FAM120C: variants seen among roughly 807,000 people sequenced by gnomAD.
The protein encoded by FAM120C is constitutive coactivator of PPAR-gamma-like protein 2.
FAM120C carries 14 observed loss-of-function variants against 71.2 expected under a neutral mutation model. That is an observed-to-expected ratio of 0.20 (90% confidence interval 0.13 to 0.31). The LOEUF (loss-of-function observed/expected upper bound fraction) is 0.31. Ranked by LOEUF, FAM120C falls within the 10% of genes least tolerant of loss-of-function variation. The probability of loss-of-function intolerance (pLI) is 1.00; values close to 1 mark genes in which losing one functional copy is unlikely to be tolerated. For missense variants in FAM120C, 500 were observed against 879.0 expected (o/e 0.57, Z 5.45); for synonymous variants, 354 against 353.2 (o/e 1.00, Z -0.03).
Position 54,087,849 on chromosome X carries a change from C to T in FAM120C, c.2543G>A (p.Cys848Tyr). The T allele has an allele frequency of 8.3e-7, 1 of 1,211,379 alleles. No homozygotes were observed. Among genetic ancestry groups the T allele is most frequent in the Non-Finnish European group, 1.1e-6 (1 of 895,327 alleles). The change falls in exon 12 of 16, where the codon TGT (cysteine) becomes TAT (tyrosine). Residue 848 changes from cysteine (C) to tyrosine (Y), a missense_variant. By Grantham distance (194) the Cys-to-Tyr change is radical. Coordinates refer to ENST00000375180, the MANE Select transcript of FAM120C (RefSeq NM_017848.6). ...CTTGCCATCAAAGTAAATCCATGGA[C>T]AGCAATGCTCCCAAGGGACTGGCTG... Reference protein sequence around the residue: ...CGQPVPWEHCCPWIYFDGKLF... With the variant: ...CGQPVPWEHCYPWIYFDGKLF...
At chrX:54,150,152 ACACAT>A (rs2067177259) in intron 4 of FAM120C, among the ~76,000 whole-genome samples, 3 of 111,859 alleles carry the variant, frequency 2.7e-5, no homozygotes, top group Non-Finnish European at 5.6e-5. Flanking sequence ...GTCCCAATAA[ACACAT>A]CACAAGTTGA....
intron 9 of FAM120C, among the ~76,000 whole-genome samples, chrX:54,124,934 G>A (rs185044193): frequency 8.9e-6 from 1 of 111,907 alleles, no homozygotes; most frequent in East Asian, 2.8e-4. Flanking sequence ...TACTAGTATA[G>A]ATATGTGGTA....
At chrX:54,128,794 T>C (rs1372606462) in intron 9 of FAM120C, among the ~76,000 whole-genome samples, 1 of 111,721 alleles carries the variant, frequency 9.0e-6, no homozygotes, top group African/African-American at 3.3e-5. Context: ...GGGGGTAAGG[T>C]CACAGATCAA....
intron 10 of FAM120C, among the ~76,000 whole-genome samples, chrX:54,111,031 G>A (rs2066934547): frequency 1.9e-5 from 2 of 107,660 alleles, no homozygotes; most frequent in African/African-American, 3.4e-5. Flanking sequence ...CTGCACTCCC[G>A]ACTGGGTGAC....
chrX:54,091,251 A>T (rs2066822699), intron 11 of FAM120C, 61 bp downstream of exon 11: 1 of 773,196 alleles, frequency 1.3e-6, no homozygotes, highest in Non-Finnish European at 1.9e-6. Context: ...AAAAAAAAAG[A>T]CCTAAAGTAG....
At chrX:54,178,809 A>C (rs1557136982) in intron 1 of FAM120C, among the ~76,000 whole-genome samples, 1 of 111,992 alleles carries the variant, frequency 8.9e-6, no homozygotes, top group Non-Finnish European at 1.9e-5. Context: ...ATCTGTTCTC[A>C]AAGTCTGGTT....
chrX:54,166,733 T>C (rs868942854), intron 1 of FAM120C, among the ~76,000 whole-genome samples: 3 of 111,849 alleles, frequency 2.7e-5, no homozygotes, highest in Non-Finnish European at 3.8e-5. Context: ...AATGTGCATA[T>C]ATATATAAAA....
Position 54,133,873 on chromosome X carries a change from A to G in FAM120C, c.1790T>C (p.Ile597Thr). ...MSTRNHMDIT[I>T]PPLPPVAPEV... ...TGGAGCTACTGGAGGTAAGGGTGGAATGGTGATATCCATGTGGTTCCTTGT... is the reference window on the plus strand; with the variant it reads ...TGGAGCTACTGGAGGTAAGGGTGGAGTGGTGATATCCATGTGGTTCCTTGT... The change falls in exon 8 of 16, where the codon ATT (isoleucine) becomes ACT (threonine). Residue 597 changes from isoleucine to threonine, a missense_variant. By Grantham distance (89) the Ile-to-Thr change is moderately conservative. Transcript: ENST00000375180. 8.3e-7 allele frequency: 1 copy of G among 1,211,417 alleles called. No individual in the cohort carries two copies. Among genetic ancestry groups the G allele is most frequent in the Non-Finnish European group, 1.1e-6 (1 of 895,402 alleles).
At position 54,129,826 on chromosome X, in the gene FAM120C, C is replaced by T. The variant is rs368827949; in HGVS notation, c.2062+2866G>A. Among the ~76,000 whole-genome samples, 47 of 111,557 alleles carry T rather than the reference C, an allele frequency of 4.2e-4. No individual in the cohort carries two copies. In the East Asian group the frequency reaches 0.012, roughly 29 times the overall value. ...TGCGGTTAGGAGCTGGAGACCAGCC[C>T]GGCCAACACAGCGAAACCCGGTCTC... On this transcript the variant is annotated intron_variant, in intron 9 of 15. Coordinates refer to ENST00000375180, the MANE Select transcript of FAM120C (RefSeq NM_017848.6).
intron 4 of FAM120C, among the ~76,000 whole-genome samples, chrX:54,142,846 G>A (rs2067133168): frequency 8.9e-6 from 1 of 111,882 alleles, no homozygotes; most frequent in South Asian, 3.8e-4. Context: ...CCCAGTAGGG[G>A]CCGACCGACA....
In FAM120C at chrX:54,116,583, A is replaced by G; in HGVS notation, c.2274T>C (p.Asn758=). 1 of 1,211,951 alleles carries G rather than the reference A, an allele frequency of 8.3e-7. No homozygotes were observed. Among genetic ancestry groups the G allele is most frequent in the Non-Finnish European group, 1.1e-6 (1 of 895,530 alleles). The change falls in exon 10 of 16, where the codon AAT becomes AAC. Residue 758 remains asparagine, a synonymous_variant. Coordinates refer to ENST00000375180, the MANE Select transcript of FAM120C (RefSeq NM_017848.6). ...SDTPSMLNPA[N]VPTHLLLMCC... ...ACATGAGCAGCAGATGGGTGGGGAC[A>G]TTAGCTGGATTGAGCATACTGGGCG... is the stretch of plus-strand genomic sequence containing the variant.
rs782425864 is a variant in FAM120C at position 54,136,605 on chromosome X, A to G, written c.1159-15T>C. 4.5e-6 allele frequency: 5 copies of G among 1,102,022 alleles called. No individual in the cohort carries two copies. The South Asian group carries it at 9.9e-5, about 22-fold the overall frequency. The allele number at this position is 1,102,022 out of a possible 1,213,427, so 90.8% of individuals were successfully genotyped here. On this transcript the variant is annotated splice_polypyrimidine_tract_variant and intron_variant, in intron 4 of 15. Transcript: ENST00000375180. ...TCTGTCCTGGACTGGATGTTGGAAC[A>G]TCAGATTTTCAGAAGAAAAAACATG...
chrX:54,117,683 G>C (rs1366360387), intron 9 of FAM120C, among the ~76,000 whole-genome samples: 2 of 108,266 alleles, frequency 1.8e-5, no homozygotes, highest in Admixed American at 1.0e-4. Context: ...GGGCGACAGA[G>C]CGAGACTTCG....
At position 54,182,683 on chromosome X, in the gene FAM120C, C is replaced by A; in HGVS notation, c.516G>T (p.Pro172=). Residue 172 remains proline, a synonymous_variant, in exon 1 of 16, where the codon CCG becomes CCT. Coordinates refer to ENST00000375180, the MANE Select transcript of FAM120C (RefSeq NM_017848.6). Reference sequence around the variant, plus strand: ...CCAGCCGGTCCTTGCCCAGGCCCCCCGGGAACATGACCACGAGCTCCAGGC... The same window carrying A: ...CCAGCCGGTCCTTGCCCAGGCCCCCAGGGAACATGACCACGAGCTCCAGGC... ...GDGLELVVMF[P]GGLGKDRLAE... 5 of 1,209,790 alleles carry A rather than the reference C, an allele frequency of 4.1e-6. No individual in the cohort carries two copies. Among genetic ancestry groups the A allele is most frequent in the Non-Finnish European group, 4.5e-6 (4 of 894,824 alleles).
rs781798544 is a variant in FAM120C at position 54,134,882 on chromosome X, G to C, written c.1565C>G (p.Ser522Cys). ...SKASPPLGPDSSHSSSSDGDE... is the reference protein window; with the variant it reads ...SKASPPLGPDCSHSSSSDGDE... ...ACCATCAGAGGAAGAGGAGTGGGAAGAGTCTGGTCCCAAAGGAGGTGAGGC... is the reference window on the plus strand; with the variant it reads ...ACCATCAGAGGAAGAGGAGTGGGAACAGTCTGGTCCCAAAGGAGGTGAGGC... Residue 522 changes from serine to cysteine, a missense_variant, in exon 7 of 16, where the codon TCT becomes TGT. Ser to Cys is a moderately radical substitution (Grantham distance 112). This residue lies in a region of FAM120C where 85 missense variants were observed against 84.9 expected (regional missense o/e 1.00). Coordinates refer to ENST00000375180, the MANE Select transcript of FAM120C (RefSeq NM_017848.6). 2 of 1,211,674 alleles carry C rather than the reference G, an allele frequency of 1.7e-6. No individual in the cohort carries two copies. Among genetic ancestry groups the C allele is most frequent in the South Asian group, 3.5e-5 (2 of 56,923 alleles).
chrX:54,117,709 A>G (rs1486363991), intron 9 of FAM120C, among the ~76,000 whole-genome samples: 1 of 110,259 alleles, frequency 9.1e-6, no homozygotes, highest in Non-Finnish European at 1.9e-5. Context: ...AAAAAAAACA[A>G]AAAAAAACAA....
intron 11 of FAM120C, among the ~76,000 whole-genome samples, chrX:54,090,771 G>A (rs1334337517): frequency 4.5e-5 from 5 of 111,382 alleles, no homozygotes; most frequent in Non-Finnish European, 9.4e-5. Context: ...GTACAAGTAA[G>A]GAAACTGAAG....
intron 9 of FAM120C, among the ~76,000 whole-genome samples, chrX:54,126,382 C>A (rs1223003637): frequency 8.9e-6 from 1 of 111,912 alleles, no homozygotes; most frequent in Non-Finnish European, 1.9e-5. Context: ...TTTTTTTCAA[C>A]CAAACACTGA....
chrX:54,080,362 T>C (rs2066758374), intron 14 of FAM120C, 73 bp from the exon 15 acceptor site: 1 of 857,835 alleles, frequency 1.2e-6, no homozygotes. Context: ...TGGTTAACTA[T>C]TCGTCTCCTC....
Sources: allele counts gnomAD v4.1 joint callset (sites outside exome capture counted in the v4.1 genomes callset), GRCh38; gene constraint gnomAD v4.1.1; regional missense constraint gnomAD v4.1.1; transcripts MANE v1.5; gene names NCBI Gene and HGNC (gene_info 2026-07-23, HGNC 2026-07-21).